Variants in NTN1 observed in about 807,000 individuals in gnomAD.
NTN1 encodes netrin 1, also known as netrin-1.
A neutral mutation model predicts 54.2 loss-of-function variants in NTN1; 11 were observed. The observed-to-expected ratio is 0.20, with a 90% CI of 0.13 to 0.34. The LOEUF (loss-of-function observed/expected upper bound fraction) is 0.34. Ranked by LOEUF, NTN1 falls within the 10% of genes least tolerant of loss-of-function variation. NTN1 has a pLI of 1.00. For synonymous variants in NTN1, 371 were observed against 382.0 expected (o/e 0.97, Z 0.33); for missense variants, 740 against 893.1 (o/e 0.83, Z 2.18).
intron 2 of NTN1, among the ~76,000 whole-genome samples, chr17:9,107,507 G>A (rs555316576): frequency 2.8e-4 from 42 of 152,336 alleles, no homozygotes; most frequent in Non-Finnish European, 4.0e-4. Context: ...CTGTGTGAAC[G>A]TGGAACCACT....
At chr17:9,092,632 G>A (rs1272163618) in intron 2 of NTN1, among the ~76,000 whole-genome samples, 1 of 151,708 alleles carries the variant, frequency 6.6e-6, no homozygotes, top group Non-Finnish European at 1.5e-5. Context: ...ATCACTCTGT[G>A]GCCCAGGCTG....
At chr17:9,090,116 A>C (rs999098917) in intron 2 of NTN1, among the ~76,000 whole-genome samples, 2 of 150,878 alleles carry the variant, frequency 1.3e-5, no homozygotes, top group Non-Finnish European at 2.9e-5. Context: ...TCTCCTCCCA[A>C]CTTATGGCAT....
chr17:9,158,820 G>C (rs965136110), intron 2 of NTN1, among the ~76,000 whole-genome samples: 5 of 152,214 alleles, frequency 3.3e-5, no homozygotes, highest in Non-Finnish European at 5.9e-5. Flanking sequence ...TCAGCCCTGG[G>C]AACACTTGCC....
At chr17:9,051,230 A>G (rs2091959617) in intron 2 of NTN1, among the ~76,000 whole-genome samples, 3 of 152,216 alleles carry the variant, frequency 2.0e-5, no homozygotes. Flanking sequence ...CAACCTGGCC[A>G]GTGCCAGGCC....
At chr17:9,128,369 C>T (rs1427746533) in intron 2 of NTN1, among the ~76,000 whole-genome samples, 1 of 151,454 alleles carries the variant, frequency 6.6e-6, no homozygotes, top group African/African-American at 2.4e-5. Flanking sequence ...CTGTGTTCCA[C>T]CTGTGAAGCA....
At chr17:9,038,080 T>A (rs1162270586) in intron 2 of NTN1, among the ~76,000 whole-genome samples, 1 of 152,178 alleles carries the variant, frequency 6.6e-6, no homozygotes, top group African/African-American at 2.4e-5. Context: ...GGGCTTGAGA[T>A]AGGCCCAAAT....
rs1432857237 is a variant in NTN1, at chr17:9,217,332, C to T, written c.1412-3836C>T. On this transcript the variant is annotated intron_variant, in intron 5 of 6. Coordinates refer to ENST00000173229, the MANE Select transcript of NTN1 (RefSeq NM_004822.3). ...ACTAGAGATTGCTCCCAGATCCCAG[C>T]GTTGGGTCATCATCAGTTTCGTTTT... Among the ~76,000 whole-genome samples, 43 of 152,186 alleles carry T rather than the reference C, an allele frequency of 2.8e-4. 1 individual carries two copies. Among genetic ancestry groups the T allele is most frequent in the Admixed American group, 2.2e-3 (34 of 15,280 alleles).
intron 2 of NTN1, among the ~76,000 whole-genome samples, chr17:9,148,789 C>T (rs964666313): frequency 1.3e-5 from 2 of 151,978 alleles, no homozygotes; most frequent in Non-Finnish European, 2.9e-5. Context: ...ATCTGTTGGT[C>T]ACACGGGGGT....
intron 6 of NTN1, among the ~76,000 whole-genome samples, chr17:9,228,181 C>T (rs1264169254): frequency 6.6e-6 from 1 of 152,152 alleles, no homozygotes; most frequent in Non-Finnish European, 1.5e-5. Flanking sequence ...TGGGCACACA[C>T]ACGGTGTGGC....
intron 5 of NTN1, among the ~76,000 whole-genome samples, chr17:9,214,194 A>G (rs1284960790): frequency 5.9e-5 from 9 of 152,002 alleles, no homozygotes; most frequent in Non-Finnish European, 1.3e-4. Flanking sequence ...ATTTATTTTC[A>G]TTATTTCTTC....
rs576428828 is a variant in NTN1 at position 9,168,871 on chromosome 17, A to G, written c.1207+5870A>G. Among the ~76,000 whole-genome samples, 7 of 152,240 alleles carry G rather than the reference A, an allele frequency of 4.6e-5. No homozygotes were observed. In the East Asian group the frequency reaches 7.7e-4, roughly 17 times the overall value. On this transcript the variant is annotated intron_variant, in intron 3 of 6. Transcript: ENST00000173229. ...GGGGGTGCAGGGAAAAGGGTTGGTC[A>G]TCTGAGGCAGGAAGGTACTTAGTGG...
chr17:9,208,093 G>T (rs1191082512), intron 5 of NTN1, among the ~76,000 whole-genome samples: 3 of 152,162 alleles, frequency 2.0e-5, no homozygotes, highest in Non-Finnish European at 4.4e-5. Flanking sequence ...TTAGCCAGGC[G>T]TAGTGGTGTG....
intron 2 of NTN1, among the ~76,000 whole-genome samples, chr17:9,156,483 A>G (rs749181227): frequency 2.0e-5 from 3 of 152,178 alleles, no homozygotes; most frequent in African/African-American, 7.2e-5. Flanking sequence ...CCTGAGAGAC[A>G]TGGTCTGGAA....
chr17:9,214,213 CAAAT>C (rs933168315), intron 5 of NTN1, among the ~76,000 whole-genome samples: 6 of 151,878 alleles, frequency 4.0e-5, no homozygotes, highest in Admixed American at 6.6e-5. Context: ...TCTTTAATAA[CAAAT>C]AATATCATTG....
At chr17:9,030,060 G>A (rs1328210954) in intron 2 of NTN1, among the ~76,000 whole-genome samples, 1 of 152,118 alleles carries the variant, frequency 6.6e-6, no homozygotes, top group Non-Finnish European at 1.5e-5. Context: ...GGCTAGGTGT[G>A]TATTCAGCCC....
intron 2 of NTN1, among the ~76,000 whole-genome samples, chr17:9,062,763 G>A (rs1318046144): frequency 6.6e-6 from 1 of 152,088 alleles, no homozygotes; most frequent in East Asian, 1.9e-4. Flanking sequence ...TTATGTTCGG[G>A]GATTACACTT....
chr17:9,043,941 G>C (rs2091932087), intron 2 of NTN1, among the ~76,000 whole-genome samples: 1 of 151,846 alleles, frequency 6.6e-6, no homozygotes, highest in Non-Finnish European at 1.5e-5. Context: ...CTTCTCTGTG[G>C]TTATCCTAAT....
intron 2 of NTN1, among the ~76,000 whole-genome samples, chr17:9,086,673 AT>A (rs931942111): frequency 6.6e-6 from 1 of 152,124 alleles, no homozygotes; most frequent in Admixed American, 6.5e-5. Flanking sequence ...CATCATCACC[AT>A]TGATGTCATC....
chr17:9,077,803 G>A (rs1381277324), intron 2 of NTN1, among the ~76,000 whole-genome samples: 4 of 152,180 alleles, frequency 2.6e-5, no homozygotes, highest in Non-Finnish European at 5.9e-5. Context: ...CAGCCATGCA[G>A]GAGAGTTAAG....
Sources: allele counts gnomAD v4.1 joint callset (sites outside exome capture counted in the v4.1 genomes callset), GRCh38; gene constraint gnomAD v4.1.1; transcripts MANE v1.5; gene names NCBI Gene and HGNC (gene_info 2026-07-23, HGNC 2026-07-21).